Variants in FGF12 observed in about 807,000 individuals in gnomAD.
The protein encoded by FGF12 is fibroblast growth factor 12.
A neutral mutation model predicts 23.6 loss-of-function variants in FGF12; 14 were observed. That is an observed-to-expected ratio of 0.59 (90% CI 0.39 to 0.93). The LOEUF (loss-of-function observed/expected upper bound fraction) is 0.93, where lower values mean the gene tolerates loss of function less well. FGF12 is among the 40% of genes least tolerant of loss of function. FGF12 has a pLI of 0.00. For synonymous variants in FGF12, 62 were observed against 77.3 expected (o/e 0.80, Z 1.04); for missense variants, 175 against 217.8 (o/e 0.80, Z 1.24).
At chr3:192,528,065 T>G (rs9839203) in intron 2 of FGF12, among the ~76,000 whole-genome samples, 46,237 of 151,930 alleles carry the variant, frequency 0.3, 7,759 homozygotes, top group Middle Eastern at 0.43. Flanking sequence ...CTCCCAAATC[T>G]CATATCCTCA....
chr3:192,445,243 CTTCT>C (rs1256512843), intron 2 of FGF12, among the ~76,000 whole-genome samples: 1 of 152,158 alleles, frequency 6.6e-6, no homozygotes, highest in Non-Finnish European at 1.5e-5. Context: ...GTAAGTGCAG[CTTCT>C]TAGGCCCTAC....
At chr3:192,571,413 C>A (rs1188613492) in intron 2 of FGF12, among the ~76,000 whole-genome samples, 1 of 152,226 alleles carries the variant, frequency 6.6e-6, no homozygotes, top group African/African-American at 2.4e-5. Flanking sequence ...CGAGGTTCAG[C>A]GCAAAACTGA....
intron 2 of FGF12, among the ~76,000 whole-genome samples, chr3:192,361,724 A>G (rs549083866): frequency 4.6e-5 from 7 of 152,328 alleles, no homozygotes; most frequent in African/African-American, 1.2e-4. Context: ...ATTTAATGTG[A>G]TTAATTCTTT....
intron 5 of FGF12, among the ~76,000 whole-genome samples, chr3:192,154,766 T>C (rs1714264528): frequency 6.9e-6 from 1 of 145,178 alleles, no homozygotes; most frequent in Non-Finnish European, 1.5e-5. Flanking sequence ...GCTGTCTTTT[T>C]GTTTGTCTGT....
In FGF12 at chr3:192,408,467, G is replaced by A. The variant is rs1027393550; in HGVS notation, c.14-47929C>T. On this transcript the variant is annotated intron_variant, in intron 2 of 5. Coordinates refer to ENST00000445105, the MANE Select transcript of FGF12 (RefSeq NM_004113.6). The surrounding 1 kb of genome is among the most constrained non-coding windows in gnomAD (Gnocchi z 7.3). ...CCCCAACCTCTGGCGGCCGGGGGGC[G>A]GGGCGGGGCGGTCCCAGGCCCTCTT... The A allele has an allele frequency of 1.5e-6, 2 of 1,359,004 alleles. No individual in the cohort carries two copies. The highest frequency in any genetic ancestry group is 2.9e-5 in the East Asian group (1 of 34,236). The allele number at this position is 1,359,004 out of a possible 1,614,324, so 84.2% of individuals were successfully genotyped here.
intron 2 of FGF12, among the ~76,000 whole-genome samples, chr3:192,527,080 C>T (rs906116902): frequency 1.3e-5 from 2 of 151,964 alleles, no homozygotes; most frequent in East Asian, 1.9e-4. Flanking sequence ...GGAGGTGGGG[C>T]CTTTGGGAGG....
intron 4 of FGF12, among the ~76,000 whole-genome samples, chr3:192,306,628 A>G (rs1715665534): frequency 6.6e-6 from 1 of 152,136 alleles, no homozygotes; most frequent in African/African-American, 2.4e-5. Flanking sequence ...CTAGTTCTCA[A>G]CCCTGTATTG....
intron 2 of FGF12, among the ~76,000 whole-genome samples, chr3:192,389,497 T>G (rs535218185): frequency 6.6e-6 from 1 of 152,386 alleles, no homozygotes; most frequent in South Asian, 2.1e-4. Context: ...CATTTCCATT[T>G]GTCTATTCCA....
chr3:192,289,504 C>T (rs905568820), intron 4 of FGF12, among the ~76,000 whole-genome samples: 1 of 152,046 alleles, frequency 6.6e-6, no homozygotes, highest in African/African-American at 2.4e-5. Context: ...GATTCAAATG[C>T]GAAAATACAA....
rs551770244 is a variant in FGF12 at position 192,687,019 on chromosome 3, C to T, written c.13+40162G>A. On this transcript the variant is annotated intron_variant, in intron 2 of 5. Transcript: ENST00000445105. ...AATTTTTTTGTATTTTTAGTAGAGA[C>T]GGGGTTTCACCATCTTAGCCAGGAT... Among the ~76,000 whole-genome samples the T allele has an allele frequency of 3.2e-4, 48 of 150,856 alleles. No homozygotes were observed. In the East Asian group the frequency reaches 7.8e-3, roughly 25 times the overall value.
chr3:192,313,029 T>C (rs1010226191), intron 4 of FGF12, among the ~76,000 whole-genome samples: 2 of 152,206 alleles, frequency 1.3e-5, no homozygotes, highest in Non-Finnish European at 2.9e-5. Flanking sequence ...TCATCCTTTA[T>C]GTTTTAGCTT....
At chr3:192,216,830 C>T (rs997530705) in intron 4 of FGF12, among the ~76,000 whole-genome samples, 4 of 152,138 alleles carry the variant, frequency 2.6e-5, no homozygotes, top group East Asian at 1.9e-4. Flanking sequence ...GGAGCAAACA[C>T]GGGCTTAAAC....
chr3:192,332,741 T>C (rs1024898478), intron 4 of FGF12, among the ~76,000 whole-genome samples: 6 of 152,150 alleles, frequency 3.9e-5, no homozygotes, highest in African/African-American at 1.4e-4. Context: ...AATTAGCTTA[T>C]GTAGGTCCTC....
At chr3:192,650,398 C>T (rs945088493) in intron 2 of FGF12, among the ~76,000 whole-genome samples, 2 of 152,220 alleles carry the variant, frequency 1.3e-5, no homozygotes, top group African/African-American at 2.4e-5. Flanking sequence ...ACTACTGGAA[C>T]TGCCATCCTT....
rs1372307726 is a variant in FGF12, at chr3:192,140,775, T to A, written c.*3234A>T. 6.6e-6 allele frequency: 1 copy of A among 151,998 alleles called. No homozygotes were observed. Among genetic ancestry groups the A allele is most frequent in the Non-Finnish European group, 1.5e-5 (1 of 67,870 alleles). 9.4% of individuals were successfully genotyped at this position (151,998 alleles called of 1,614,324 possible). The stretch of plus-strand genomic sequence containing the variant: ...CGCCAATCCATAATGGCTAAAAATG[T>A]GCTATTAAATTGTATGTAAATTTCA... On this transcript the variant is annotated 3_prime_UTR_variant, in exon 6 of 6. Transcript: ENST00000445105.
At chr3:192,459,583 T>C (rs1197464717) in intron 2 of FGF12, among the ~76,000 whole-genome samples, 1 of 152,214 alleles carries the variant, frequency 6.6e-6, no homozygotes, top group Non-Finnish European at 1.5e-5. Context: ...CTTTTTTGTC[T>C]TCAAAAACAA....
At chr3:192,548,757 C>G (rs2108583573) in intron 2 of FGF12, among the ~76,000 whole-genome samples, 1 of 152,136 alleles carries the variant, frequency 6.6e-6, no homozygotes, top group African/African-American at 2.4e-5. Flanking sequence ...TGTTATATCC[C>G]TTCTAACACA....
intron 4 of FGF12, among the ~76,000 whole-genome samples, chr3:192,176,461 C>T (rs1460926): frequency 0.041 from 6,170 of 152,270 alleles, 190 homozygotes; most frequent in Admixed American, 0.057. Context: ...AGCAATTCAG[C>T]GCCCAGTTTA....
intron 2 of FGF12, among the ~76,000 whole-genome samples, chr3:192,634,640 CAA>C (rs1156530350): frequency 6.6e-6 from 1 of 151,912 alleles, no homozygotes; most frequent in East Asian, 1.9e-4. Flanking sequence ...TACTATCTCT[CAA>C]GAGTGTATAC....
Sources: allele counts gnomAD v4.1 joint callset (sites outside exome capture counted in the v4.1 genomes callset), GRCh38; gene constraint gnomAD v4.1.1; non-coding constraint Gnocchi (gnomAD v3.1); transcripts MANE v1.5; gene names NCBI Gene and HGNC (gene_info 2026-07-23, HGNC 2026-07-21).